ADGRL2: variants seen among roughly 807,000 people sequenced by gnomAD.
ADGRL2 encodes the protein calcium-independent alpha-latrotoxin receptor 2.
A neutral mutation model predicts 157.4 loss-of-function variants in ADGRL2; 44 were observed. The observed-to-expected ratio is 0.28, with a 90% CI of 0.22 to 0.36. The LOEUF (loss-of-function observed/expected upper bound fraction) is 0.36. Ranked by LOEUF, ADGRL2 falls within the 10% of genes least tolerant of loss-of-function variation. The probability of loss-of-function intolerance (pLI) is 1.00; values close to 1 mark genes in which losing one functional copy is unlikely to be tolerated. For missense variants in ADGRL2, 1,510 were observed against 1,768.9 expected (o/e 0.85, Z 2.63); for synonymous variants, 585 against 624.7 (o/e 0.94, Z 0.95).
chr1:81,729,149 TTAAA>T (rs1251235881), intron 1 of ADGRL2, among the ~76,000 whole-genome samples: 1 of 150,892 alleles, frequency 6.6e-6, no homozygotes, highest in African/African-American at 2.4e-5. Flanking sequence ...AGTATACAAT[TTAAA>T]TAATCTTCCA....
At chr1:81,870,194 G>C (rs1377566237) in intron 2 of ADGRL2, among the ~76,000 whole-genome samples, 2 of 108,304 alleles carry the variant, frequency 1.8e-5, no homozygotes, top group African/African-American at 7.0e-5. Context: ...TCTAACTTTT[G>C]TTGAAATAGA....
At chr1:81,369,296 A>G (rs193098633) in intron 1 of ADGRL2, among the ~76,000 whole-genome samples, 1 of 152,294 alleles carries the variant, frequency 6.6e-6, no homozygotes, top group Admixed American at 6.5e-5. Context: ...AGCAGTTGGG[A>G]GGTTTTCAAA....
At chr1:81,466,216 T>G (rs2101836598) in intron 2 of ADGRL2, among the ~76,000 whole-genome samples, 1 of 152,350 alleles carries the variant, frequency 6.6e-6, no homozygotes, top group East Asian at 1.9e-4. Context: ...TTTAATTTGA[T>G]TCCTTTTCTC....
At chr1:81,477,154 C>A (rs1486819825) in intron 2 of ADGRL2, among the ~76,000 whole-genome samples, 4 of 152,196 alleles carry the variant, frequency 2.6e-5, no homozygotes, top group African/African-American at 9.7e-5. Context: ...CTATGGTTTA[C>A]ATGTGTCATA....
chr1:81,706,583 G>A (rs1449569676), intron 1 of ADGRL2, among the ~76,000 whole-genome samples: 1 of 152,164 alleles, frequency 6.6e-6, no homozygotes, highest in African/African-American at 2.4e-5. Context: ...AAGACCCAAA[G>A]GATAGGTGAG....
At chr1:81,503,200 G>T in intron 2 of ADGRL2, 2 of 1,614,200 alleles carry the variant, frequency 1.2e-6, no homozygotes, top group South Asian at 2.2e-5. Context: ...CAGGATCAAC[G>T]GCAGGGAAGA....
In ADGRL2 at chr1:81,786,212, T is replaced by C. The variant is rs2087037527; in HGVS notation, c.-101+24360T>C. Among the ~76,000 whole-genome samples the C allele has an allele frequency of 3.3e-5, 5 of 151,988 alleles. No individual in the cohort carries two copies. The South Asian group carries it at 8.3e-4, about 25-fold the overall frequency. On this transcript the variant is annotated intron_variant, in intron 2 of 20. Coordinates refer to the ADGRL2 transcript ENST00000359929. ...GAAGATAGAAAATACAAAAGAAAATTAGGAATAATGATAATATACTAATAA... is the reference window on the plus strand; with the variant it reads ...GAAGATAGAAAATACAAAAGAAAATCAGGAATAATGATAATATACTAATAA...
chr1:81,411,687 T>A (rs1406462508), intron 1 of ADGRL2, among the ~76,000 whole-genome samples: 1 of 151,998 alleles, frequency 6.6e-6, no homozygotes, highest in African/African-American at 2.4e-5. Flanking sequence ...GGTCAGGAGA[T>A]CGAGACCACG....
At chr1:81,659,926 A>G (rs2082618086) in intron 3 of ADGRL2, among the ~76,000 whole-genome samples, 1 of 152,246 alleles carries the variant, frequency 6.6e-6, no homozygotes, top group Non-Finnish European at 1.5e-5. Flanking sequence ...TGTGTGCAAA[A>G]GCACATTTTG....
intron 1 of ADGRL2, among the ~76,000 whole-genome samples, chr1:81,728,027 A>G (rs1453945072): frequency 1.3e-5 from 2 of 152,176 alleles, no homozygotes; most frequent in African/African-American, 2.4e-5. Flanking sequence ...GACTATTGGT[A>G]TATTTCTCAT....
At chr1:81,498,606 G>A (rs1221827567) in intron 2 of ADGRL2, among the ~76,000 whole-genome samples, 1 of 152,184 alleles carries the variant, frequency 6.6e-6, no homozygotes, top group African/African-American at 2.4e-5. Flanking sequence ...TATGAGAAGA[G>A]AGTTAACACT....
intron 2 of ADGRL2, among the ~76,000 whole-genome samples, chr1:81,766,415 A>T (rs1189699878): frequency 6.6e-6 from 1 of 152,240 alleles, no homozygotes; most frequent in African/African-American, 2.4e-5. Flanking sequence ...ATATTTTAAA[A>T]GTAAATAGAT....
intron 3 of ADGRL2, among the ~76,000 whole-genome samples, chr1:81,654,558 A>T (rs1270592480): frequency 6.6e-6 from 1 of 152,174 alleles, no homozygotes; most frequent in Admixed American, 6.5e-5. Flanking sequence ...TCCTACATAT[A>T]ATTGTGAGCT....
In ADGRL2 at chr1:81,943,093, C is replaced by T. The variant is rs751460021; in HGVS notation, c.534C>T (p.Pro178=). Residue 178 remains proline (P), a synonymous_variant, in exon 6 of 24, where the codon CCC becomes CCT. Transcript: ENST00000686636. The surrounding 1 kb of genome is among the most constrained non-coding windows in gnomAD (Gnocchi z 5.6). ...LQAADKIYFM[P]WTPYRTDTLI... is the part of the protein sequence containing the mutation. ...CTGCAGATAAAATTTATTTCATGCC[C>T]TGGACTCCCTATCGTACCGATACTT... 6.2e-7 allele frequency: 1 copy of T among 1,613,466 alleles called. No individual in the cohort carries two copies.
chr1:81,703,040 C>T (rs932510234), intron 1 of ADGRL2, among the ~76,000 whole-genome samples: 4 of 152,158 alleles, frequency 2.6e-5, no homozygotes, highest in Admixed American at 2.0e-4. Flanking sequence ...TCAGGATGGT[C>T]AATCGCGCTG....
intron 1 of ADGRL2, among the ~76,000 whole-genome samples, chr1:81,323,322 C>T (rs1046489258): frequency 6.6e-6 from 1 of 151,646 alleles, no homozygotes; most frequent in Admixed American, 6.6e-5. Flanking sequence ...GTTCATCAGC[C>T]AAAATCTCCT....
intron 1 of ADGRL2, among the ~76,000 whole-genome samples, chr1:81,755,953 A>G (rs2085674876): frequency 6.6e-6 from 1 of 152,156 alleles, no homozygotes; most frequent in African/African-American, 2.4e-5. Flanking sequence ...ATCCGCACCT[A>G]TTAAATTAGG....
At chr1:81,363,312 A>T (rs562245452) in intron 1 of ADGRL2, among the ~76,000 whole-genome samples, 1 of 152,246 alleles carries the variant, frequency 6.6e-6, no homozygotes, top group South Asian at 2.1e-4. Context: ...AGGGTAACTT[A>T]GTCATTATTC....
At chr1:81,915,194 G>A (rs746535885) in intron 3 of ADGRL2, among the ~76,000 whole-genome samples, 3 of 151,968 alleles carry the variant, frequency 2.0e-5, no homozygotes, top group Non-Finnish European at 4.4e-5. Context: ...TCCCACCTCA[G>A]TCTCCCGAGT....
Sources: allele counts gnomAD v4.1 joint callset (sites outside exome capture counted in the v4.1 genomes callset), GRCh38; gene constraint gnomAD v4.1.1; non-coding constraint Gnocchi (gnomAD v3.1); transcripts MANE v1.5; gene names NCBI Gene and HGNC (gene_info 2026-07-23, HGNC 2026-07-21).